The following COBLL1 variants were observed in gnomAD, a reference collection of about 807,000 sequenced individuals.
COBLL1 encodes cordon-bleu WH2 repeat protein like 1.
A neutral mutation model predicts 94.8 loss-of-function variants in COBLL1; 50 were observed. The ratio of observed to expected loss-of-function variants is 0.53; its 90% confidence interval spans 0.42 to 0.67. The LOEUF is 0.67. Among genes scored for constraint, COBLL1 ranks in the 30% least tolerant of loss-of-function variants. COBLL1 has a pLI of 0.00. For missense variants in COBLL1, 1,362 were observed against 1,348.7 expected, an observed-to-expected ratio of 1.01 and a Z score of -0.15; for synonymous variants, 448 against 473.8, an observed-to-expected ratio of 0.95 and a Z score of 0.71.
downstream of COBLL1, among the ~76,000 whole-genome samples, chr2:164,676,727 C>A (rs1691344830): frequency 6.6e-6 from 1 of 151,878 alleles, no homozygotes; most frequent in Admixed American, 6.6e-5. Flanking sequence ...GCCAGAATCC[C>A]ATCAAAATCA....
chr2:164,797,025 G>GCTGA (rs1351932935), intron 2 of COBLL1, among the ~76,000 whole-genome samples: 3 of 152,130 alleles, frequency 2.0e-5, no homozygotes, highest in Non-Finnish European at 2.9e-5. Flanking sequence ...AATAAAATTA[G>GCTGA]CTGACGAAAA....
chr2:164,691,666 T>A (rs988486680), intron 13 of COBLL1, among the ~76,000 whole-genome samples: 5 of 152,168 alleles, frequency 3.3e-5, no homozygotes, highest in African/African-American at 1.2e-4. Flanking sequence ...GACTTCCTCT[T>A]TTTTTCTTCT....
At chr2:164,713,197 A>G (rs968058879) in intron 7 of COBLL1, among the ~76,000 whole-genome samples, 4 of 152,120 alleles carry the variant, frequency 2.6e-5, no homozygotes, top group African/African-American at 9.7e-5. Flanking sequence ...CTGTTTTAAG[A>G]TTCTTCACTG....
chr2:164,734,906 A>G (rs1686217304), intron 3 of COBLL1, among the ~76,000 whole-genome samples: 1 of 152,208 alleles, frequency 6.6e-6, no homozygotes, highest in South Asian at 2.1e-4. Context: ...AGAAACTGAA[A>G]AATATGAATC....
Position 164,700,682 on chromosome 2 carries a change from CT to C in COBLL1, c.1299del (p.Ala434LeufsTer18). ...KEELSEVPKV[E>X]AENISPKSQD... ...TGTGACTTCGGAGAAATATTTTCAGCTTCAACTTTAGGCACTTCACTCAGTT... is the reference window on the plus strand; with the variant it reads ...TGTGACTTCGGAGAAATATTTTCAGCTCAACTTTAGGCACTTCACTCAGTT... On this transcript the variant is annotated frameshift_variant, in exon 10 of 14. Transcript: ENST00000652658. LOFTEE classifies it high-confidence loss of function. 1 of 1,613,574 alleles carries C rather than the reference CT, an allele frequency of 6.2e-7. No individual in the cohort carries two copies. The highest frequency in any genetic ancestry group is 8.5e-7 in the Non-Finnish European group (1 of 1,179,602).
chr2:164,708,440 C>A (rs1684718083), intron 7 of COBLL1, among the ~76,000 whole-genome samples: 2 of 152,052 alleles, frequency 1.3e-5, no homozygotes. Context: ...AAGAAGTGCA[C>A]CAAGGAGTTG....
chr2:164,823,627 C>A (rs1488594384), intron 2 of COBLL1, among the ~76,000 whole-genome samples: 2 of 152,198 alleles, frequency 1.3e-5, no homozygotes, highest in East Asian at 1.9e-4. Flanking sequence ...CACGCAGACA[C>A]CTAACTTACC....
chr2:164,695,749 C>T lies in COBLL1; in HGVS notation c.1643G>A (p.Gly548Asp), dbSNP rs534277685. 31 of 1,613,244 alleles carry T rather than the reference C, an allele frequency of 1.9e-5. No homozygotes were observed. Among genetic ancestry groups the T allele is most frequent in the African/African-American group, 1.5e-4 (11 of 74,842 alleles). ...GVKKTEINVE[G>D]VAKNNNIDME... Reference sequence around the variant, plus strand: ...ATCAATGTTGTTATTTTTGGCAACACCTTCTACATTGATTTCTGTTTTCTT... The same window carrying T: ...ATCAATGTTGTTATTTTTGGCAACATCTTCTACATTGATTTCTGTTTTCTT... The change falls in exon 12 of 14, where the codon GGT becomes GAT. Residue 548 changes from glycine to aspartate, a missense_variant. Physicochemically the swap from Gly to Asp is moderately conservative, Grantham distance 94. Coordinates refer to ENST00000652658, the MANE Select transcript of COBLL1 (RefSeq NM_001365672.2).
intron 9 of COBLL1, among the ~76,000 whole-genome samples, chr2:164,702,082 A>C (rs990397168): frequency 3.4e-4 from 51 of 152,218 alleles, no homozygotes; most frequent in Admixed American, 1.1e-3. Context: ...TAAACATGAG[A>C]AATTTTAATG....
chr2:164,823,726 AT>A (rs1235910400), intron 2 of COBLL1, among the ~76,000 whole-genome samples: 1 of 152,118 alleles, frequency 6.6e-6, no homozygotes, highest in Non-Finnish European at 1.5e-5. Context: ...ATCACAGGGG[AT>A]CTTATACATC....
chr2:164,685,968 G>A lies in COBLL1; in HGVS notation c.3365C>T (p.Pro1122Leu). 2 of 1,608,366 alleles carry A rather than the reference G, an allele frequency of 1.2e-6. No homozygotes were observed. The highest frequency in any genetic ancestry group is 1.7e-6 in the Non-Finnish European group (2 of 1,175,750). ...GRSRLSHSMS[P>L]DAQDGH is the part of the protein sequence containing the mutation. Reference sequence around the variant, plus strand: ...CATTTAATGGCCGTCCTGGGCATCAGGGGACATGGAATGGCTGAGTCTTGA... The same window carrying A: ...CATTTAATGGCCGTCCTGGGCATCAAGGGACATGGAATGGCTGAGTCTTGA... Residue 1122 changes from proline to leucine, a missense_variant, in exon 14 of 14, where the codon CCT becomes CTT. By Grantham distance (98) the Pro-to-Leu change is moderately conservative (BLOSUM62 -3). Transcript: ENST00000652658.
intron 7 of COBLL1, among the ~76,000 whole-genome samples, chr2:164,713,023 G>A (rs1558945043): frequency 6.6e-6 from 1 of 152,034 alleles, no homozygotes; most frequent in Non-Finnish European, 1.5e-5. Context: ...ATATTATTGT[G>A]ATTTGTAAAA....
chr2:164,726,918 T>C (rs527251502), intron 5 of COBLL1, among the ~76,000 whole-genome samples: 2 of 152,190 alleles, frequency 1.3e-5, no homozygotes, highest in African/African-American at 4.8e-5. Context: ...TTATTATAAT[T>C]AAATTCAGAA....
chr2:164,715,872 T>C (rs991135827), intron 7 of COBLL1, among the ~76,000 whole-genome samples: 6 of 152,146 alleles, frequency 3.9e-5, no homozygotes, highest in Admixed American at 3.9e-4. Flanking sequence ...GAGAAAATGA[T>C]GTGCCATCCC....
chr2:164,833,069 A>G (rs1338474203), intron 2 of COBLL1, among the ~76,000 whole-genome samples: 2 of 151,742 alleles, frequency 1.3e-5, no homozygotes, highest in South Asian at 4.2e-4. Flanking sequence ...AAAAAACAGA[A>G]CACTACAAAC....
chr2:164,739,371 T>C (rs765065630), intron 3 of COBLL1, among the ~76,000 whole-genome samples: 55 of 152,248 alleles, frequency 3.6e-4, no homozygotes, highest in African/African-American at 1.2e-3. Context: ...TTCCCCAAAA[T>C]AGAACATCCT....
intron 2 of COBLL1, among the ~76,000 whole-genome samples, chr2:164,786,367 T>C (rs560548670): frequency 3.3e-5 from 5 of 152,220 alleles, no homozygotes; most frequent in Non-Finnish European, 7.4e-5. Context: ...AAACAGAGCA[T>C]ATAACTGGGC....
intron 2 of COBLL1, among the ~76,000 whole-genome samples, chr2:164,830,067 G>C (rs1682996603): frequency 6.6e-6 from 1 of 152,226 alleles, no homozygotes; most frequent in Non-Finnish European, 1.5e-5. Context: ...CAACTAAGCA[G>C]AGACGAGTTC....
chr2:164,826,078 G>A (rs1006190998), intron 2 of COBLL1, among the ~76,000 whole-genome samples: 1 of 152,170 alleles, frequency 6.6e-6, no homozygotes, highest in African/African-American at 2.4e-5. Context: ...TTCAGTCACT[G>A]CATATCAGTC....
Sources: gnomAD v4.1 joint callset for allele counts (sites outside exome capture counted in the v4.1 genomes callset) on GRCh38, gnomAD v4.1.1 for gene constraint, MANE v1.5 for transcripts, NCBI Gene and HGNC (gene_info 2026-07-23, HGNC 2026-07-21) for gene names.